PACRG: variants seen among roughly 807,000 people sequenced by gnomAD.
PACRG encodes parkin coregulated gene protein.
PACRG carries 29 observed loss-of-function variants against 29.7 expected under a neutral mutation model. The observed-to-expected ratio is 0.98, with a 90% CI of 0.73 to 1.33. The LOEUF (loss-of-function observed/expected upper bound fraction) is 1.33, where lower values mean the gene tolerates loss of function less well. Among genes scored for constraint, PACRG ranks in the 40% most tolerant of loss-of-function variants. The pLI is 0.00. For synonymous variants in PACRG, 116 were observed against 118.7 expected, an observed-to-expected ratio of 0.98 and a Z score of 0.15; for missense variants, 279 against 316.2, an observed-to-expected ratio of 0.88 and a Z score of 0.89.
chr6:163,315,096 C>T lies in PACRG; in HGVS notation c.*109C>T, dbSNP rs908079957. ...ACTTCCACAGCTTTCTTTTCTACAG[C>T]TGCTAAAATAGTGGCTTATGGGCCA... On this transcript the variant is annotated 3_prime_UTR_variant, in exon 5 of 5. Transcript: ENST00000366888. 2.0e-5 allele frequency: 27 copies of T among 1,330,800 alleles called. No homozygotes were observed. In the South Asian group the frequency reaches 3.6e-4, roughly 18 times the overall value. The allele number at this position is 1,330,800 out of a possible 1,614,324, so 82.4% of individuals were successfully genotyped here. A position where few individuals can be genotyped will look rare whatever the true frequency, so the allele number is the denominator to read the frequency against.
At chr6:162,829,173 AATG>A (rs1304640390) in intron 2 of PACRG, among the ~76,000 whole-genome samples, 1 of 152,232 alleles carries the variant, frequency 6.6e-6, no homozygotes, top group African/African-American at 2.4e-5. Context: ...ACAAACAGGA[AATG>A]ATGAGACACA....
At chr6:163,234,133 G>A (rs1330671115) in intron 4 of PACRG, among the ~76,000 whole-genome samples, 2 of 152,198 alleles carry the variant, frequency 1.3e-5, no homozygotes, top group African/African-American at 4.8e-5. Context: ...CTAGGGTGCA[G>A]TTCTGAGTCT....
intron 1 of PACRG, among the ~76,000 whole-genome samples, chr6:162,765,026 G>A (rs1175656263): frequency 6.6e-6 from 1 of 152,138 alleles, no homozygotes; most frequent in East Asian, 1.9e-4. Flanking sequence ...TTACAGGCGT[G>A]AGCCACCGTG....
In PACRG at chr6:163,062,543, G is replaced by A. The variant is rs545994291; in HGVS notation, c.463+222G>A. Among the ~76,000 whole-genome samples, 9 of 152,234 alleles carry A rather than the reference G, an allele frequency of 5.9e-5. No individual in the cohort carries two copies. The South Asian group carries it at 1.0e-3, about 18-fold the overall frequency. On this transcript the variant is annotated intron_variant, in intron 3 of 4. Transcript: ENST00000366888. Reference sequence around the variant, plus strand: ...ACATAAATAAACCAAATTCCATGGGGTTTGTGCTAATTTAAAATGCCTCAC... The same window carrying A: ...ACATAAATAAACCAAATTCCATGGGATTTGTGCTAATTTAAAATGCCTCAC...
chr6:163,101,262 T>C (rs1016053880), intron 4 of PACRG: 1 of 981,944 alleles, frequency 1.0e-6, no homozygotes, highest in African/African-American at 1.8e-5. Flanking sequence ...AAAAACAAGA[T>C]GTAATTGGGC....
At chr6:162,886,454 A>C (rs1281475778) in intron 2 of PACRG, among the ~76,000 whole-genome samples, 6 of 152,212 alleles carry the variant, frequency 3.9e-5, no homozygotes, top group African/African-American at 1.4e-4. Flanking sequence ...ATGAAATCTT[A>C]CATGACTTCA....
intron 4 of PACRG, among the ~76,000 whole-genome samples, chr6:163,167,389 C>A (rs1159020813): frequency 6.6e-6 from 1 of 152,184 alleles, no homozygotes; most frequent in Non-Finnish European, 1.5e-5. Context: ...ATCACTGATT[C>A]ATTAAGTAAC....
At chr6:163,107,636 C>G (rs1815457926) in intron 4 of PACRG, among the ~76,000 whole-genome samples, 1 of 152,180 alleles carries the variant, frequency 6.6e-6, no homozygotes, top group Non-Finnish European at 1.5e-5. Flanking sequence ...GACCGGGCCT[C>G]TCTGCTTCAT....
intron 4 of PACRG, among the ~76,000 whole-genome samples, chr6:163,107,328 A>G (rs1815439081): frequency 6.6e-6 from 1 of 152,220 alleles, no homozygotes; most frequent in East Asian, 1.9e-4. Flanking sequence ...TTGAAAATAA[A>G]GGCCACAAAC....
At chr6:163,282,547 C>A (rs1731088331) in intron 4 of PACRG, among the ~76,000 whole-genome samples, 1 of 151,862 alleles carries the variant, frequency 6.6e-6, no homozygotes, top group Non-Finnish European at 1.5e-5. Flanking sequence ...CCCATCTCTA[C>A]TAAAAATACA....
intron 2 of PACRG, among the ~76,000 whole-genome samples, chr6:162,863,437 T>A (rs1056990741): frequency 6.6e-6 from 1 of 152,250 alleles, no homozygotes; most frequent in African/African-American, 2.4e-5. Flanking sequence ...TTTGTAAGGA[T>A]GTTTGAGAAC....
intron 4 of PACRG, among the ~76,000 whole-genome samples, chr6:163,287,370 A>G (rs1784437910): frequency 6.6e-6 from 1 of 152,176 alleles, no homozygotes; most frequent in Non-Finnish European, 1.5e-5. Flanking sequence ...AGGAAGAGCC[A>G]GTTTCCCAAC....
intron 4 of PACRG, among the ~76,000 whole-genome samples, chr6:163,170,023 C>T (rs541012499): frequency 1.4e-4 from 22 of 152,264 alleles, no homozygotes; most frequent in Non-Finnish European, 2.5e-4. Flanking sequence ...AGAGCCCACC[C>T]ATGTGACTTC....
rs186297528 is a variant in PACRG, at chr6:162,836,574, G to A, written c.291+22293G>A. Among the ~76,000 whole-genome samples the A allele has an allele frequency of 7.0e-4, 106 of 152,162 alleles. 1 individual carries two copies. Among genetic ancestry groups the A allele is most frequent in the Non-Finnish European group, 1.0e-3 (68 of 68,002 alleles). On this transcript the variant is annotated intron_variant, in intron 2 of 4. Transcript: ENST00000366888. ...TCAAAAGTACCAAAGAGTGGAGGTG[G>A]AGGGAAGAGCCCTATGTCATTTAGA...
chr6:162,994,561 C>A (rs557211867), intron 2 of PACRG, among the ~76,000 whole-genome samples: 86 of 152,124 alleles, frequency 5.7e-4, no homozygotes, highest in African/African-American at 2.0e-3. Flanking sequence ...GCATTCTTCA[C>A]GTAGTTCTCG....
intron 4 of PACRG, among the ~76,000 whole-genome samples, chr6:163,094,062 C>T (rs921982395): frequency 2.0e-5 from 3 of 152,182 alleles, no homozygotes; most frequent in African/African-American, 4.8e-5. Context: ...CCTTGATAAC[C>T]CTCCTTGATA....
chr6:163,265,704 T>G (rs1783507479), intron 4 of PACRG, among the ~76,000 whole-genome samples: 2 of 152,352 alleles, frequency 1.3e-5, no homozygotes, highest in Middle Eastern at 3.4e-3. Context: ...CTTAAATTCT[T>G]TCAGCAGTAC....
chr6:162,873,333 G>C (rs906432876), intron 2 of PACRG, among the ~76,000 whole-genome samples: 2 of 152,010 alleles, frequency 1.3e-5, no homozygotes, highest in African/African-American at 4.8e-5. Context: ...ACTCATTAAT[G>C]GTAGGTCACA....
rs73601590 is a variant in PACRG, at chr6:163,269,618, A to G, written c.614-45209A>G. 5.2e-3 allele frequency among the ~76,000 whole-genome samples: 784 copies of G among 152,086 alleles called. 9 individuals are homozygous for G. The highest frequency in any genetic ancestry group is 0.017 in the African/African-American group (718 of 41,454). On this transcript the variant is annotated intron_variant, in intron 4 of 4. Coordinates refer to ENST00000366888, the MANE Select transcript of PACRG (RefSeq NM_001080379.2). ...CAAAAAACTCAACTGTTACAATTCA[A>G]TATGGTAAAGATATCCCACCCCACC...
Sources: allele counts gnomAD v4.1 joint callset (sites outside exome capture counted in the v4.1 genomes callset), GRCh38; gene constraint gnomAD v4.1.1; transcripts MANE v1.5; gene names NCBI Gene and HGNC (gene_info 2026-07-23, HGNC 2026-07-21).